PPARGC1A: variants seen among roughly 807,000 people sequenced by gnomAD.
PPARGC1A encodes peroxisome proliferator-activated receptor gamma coactivator 1-alpha.
PPARGC1A carries 25 observed loss-of-function variants against 88.7 expected under a neutral mutation model. The ratio of observed to expected loss-of-function variants is 0.28; its 90% CI spans 0.21 to 0.39. The LOEUF is 0.39. Among genes scored for constraint, PPARGC1A ranks in the 10% least tolerant of loss-of-function variants. The pLI is 1.00. For synonymous variants in PPARGC1A, 363 were observed against 355.6 expected, an observed-to-expected ratio of 1.02 and a Z score of -0.24; for missense variants, 880 against 968.7, an observed-to-expected ratio of 0.91 and a Z score of 1.22.
the PPARGC1A span, among the ~76,000 whole-genome samples, chr4:24,387,772 G>C: frequency 5.2e-5 from 3 of 58,068 alleles, no homozygotes; most frequent in East Asian, 1.2e-3. Flanking sequence ...GAGAGAGAAA[G>C]AAAGAAAGAA....
At chr4:24,214,611 T>A in the PPARGC1A span, among the ~76,000 whole-genome samples, 1 of 152,192 alleles carries the variant, frequency 6.6e-6, no homozygotes, top group African/African-American at 2.4e-5. Flanking sequence ...CCCAGAGTCC[T>A]CTGCACTTGC....
chr4:24,252,012 C>T, the PPARGC1A span, among the ~76,000 whole-genome samples: 1 of 151,926 alleles, frequency 6.6e-6, no homozygotes, highest in African/African-American at 2.4e-5. Flanking sequence ...ACTAATAATA[C>T]TTTATTACTA....
At chr4:23,813,169 C>T (rs1186611685) in intron 8 of PPARGC1A, 44 bp from the exon 9 acceptor site, 3 of 1,546,668 alleles carry the variant, frequency 1.9e-6, no homozygotes, top group South Asian at 2.2e-5. Context: ...GCAACTGCCA[C>T]TTAACCCAAG....
At chr4:24,043,811 G>A in the PPARGC1A span, among the ~76,000 whole-genome samples, 640 of 152,148 alleles carry the variant, frequency 4.2e-3, 1 homozygote, top group Non-Finnish European at 7.7e-3. Context: ...ATCTTAAACG[G>A]GTTACTATAT....
chr4:24,013,619 C>A, the PPARGC1A span, among the ~76,000 whole-genome samples: 1 of 152,166 alleles, frequency 6.6e-6, no homozygotes, highest in Non-Finnish European at 1.5e-5. Flanking sequence ...AAATAGAATT[C>A]ATGTTCTCAA....
At chr4:24,194,126 T>C in the PPARGC1A span, among the ~76,000 whole-genome samples, 1 of 33,494 alleles carries the variant, frequency 3.0e-5, no homozygotes, top group East Asian at 8.8e-4. Flanking sequence ...CAAAACTCCA[T>C]CTCAAAAAAA....
chr4:24,225,771 A>C, the PPARGC1A span, among the ~76,000 whole-genome samples: 1 of 152,058 alleles, frequency 6.6e-6, no homozygotes, highest in Non-Finnish European at 1.5e-5. Context: ...GGATGGAGAA[A>C]ATCAAGAGTC....
At chr4:24,342,515 C>G in the PPARGC1A span, among the ~76,000 whole-genome samples, 2 of 152,050 alleles carry the variant, frequency 1.3e-5, no homozygotes, top group African/African-American at 4.8e-5. Context: ...AATAAGAACC[C>G]CATTGATTTT....
intron 1 of PPARGC1A, chr4:23,889,039 C>T: frequency 1.0e-6 from 1 of 985,366 alleles, no homozygotes; most frequent in Non-Finnish European, 1.2e-6. Flanking sequence ...GGTCCTCCGT[C>T]CCCCCACTAG....
upstream of PPARGC1A, among the ~76,000 whole-genome samples, chr4:23,908,572 T>C (rs557447246): frequency 3.3e-5 from 5 of 151,918 alleles, no homozygotes; most frequent in Admixed American, 1.3e-4. Flanking sequence ...ATCTCTTCAA[T>C]TCATGTGTAC....
chr4:23,919,313 C>A, the PPARGC1A span, among the ~76,000 whole-genome samples: 1 of 151,876 alleles, frequency 6.6e-6, no homozygotes, highest in Non-Finnish European at 1.5e-5. Context: ...TAGTCTCAAA[C>A]CCCTAAAAAT....
chr4:24,472,116 C>T, the PPARGC1A span, among the ~76,000 whole-genome samples: 2 of 152,102 alleles, frequency 1.3e-5, no homozygotes, highest in East Asian at 3.9e-4. The surrounding 1 kb of genome is among the most constrained non-coding windows in gnomAD (Gnocchi z 4.5). Context: ...TCCCGCTGGG[C>T]TGGGAGGTGG....
chr4:24,008,657 T>C, the PPARGC1A span, among the ~76,000 whole-genome samples: 1 of 152,102 alleles, frequency 6.6e-6, no homozygotes, highest in African/African-American at 2.4e-5. Context: ...TCAAGTTTGG[T>C]TGCCCTTCAG....
chr4:24,186,854 A>G, the PPARGC1A span, among the ~76,000 whole-genome samples: 1 of 152,130 alleles, frequency 6.6e-6, no homozygotes, highest in African/African-American at 2.4e-5. Flanking sequence ...TAAAAATAAA[A>G]TTTAAAAAAA....
At chr4:24,153,743 C>A in the PPARGC1A span, among the ~76,000 whole-genome samples, 1 of 152,174 alleles carries the variant, frequency 6.6e-6, no homozygotes, top group African/African-American at 2.4e-5. Flanking sequence ...GGTGACTCTG[C>A]TGATGAGTAG....
At chr4:24,412,477 T>G in the PPARGC1A span, among the ~76,000 whole-genome samples, 1 of 152,160 alleles carries the variant, frequency 6.6e-6, no homozygotes, top group Non-Finnish European at 1.5e-5. Flanking sequence ...ATAAAATTTT[T>G]TTGTTGTTTT....
At chr4:24,316,566 A>G in the PPARGC1A span, among the ~76,000 whole-genome samples, 32 of 152,310 alleles carry the variant, frequency 2.1e-4, no homozygotes, top group African/African-American at 7.0e-4. Context: ...TTATAATCAT[A>G]TTTTTAAAAT....
chr4:24,281,243 G>A, the PPARGC1A span, among the ~76,000 whole-genome samples: 1 of 152,276 alleles, frequency 6.6e-6, no homozygotes, highest in East Asian at 1.9e-4. Context: ...TTGCTATGTA[G>A]GAATACCTGA....
At chr4:24,225,316 T>A in the PPARGC1A span, among the ~76,000 whole-genome samples, 1 of 152,086 alleles carries the variant, frequency 6.6e-6, no homozygotes, top group Non-Finnish European at 1.5e-5. Context: ...ACGCCTCTAA[T>A]CCCTGCACTT....
Sources: gnomAD v4.1 joint callset for allele counts (sites outside exome capture counted in the v4.1 genomes callset) on GRCh38, gnomAD v4.1.1 for gene constraint, Gnocchi (gnomAD v3.1) non-coding constraint, MANE v1.5 for transcripts, NCBI Gene and HGNC (gene_info 2026-07-23, HGNC 2026-07-21) for gene names.